MAFF: variants seen among roughly 807,000 people sequenced by gnomAD.
MAFF encodes MAF bZIP transcription factor F, also known as transcription factor MafF.
In MAFF, 4 loss-of-function variants were observed where a neutral mutation model predicts 2.7. The observed-to-expected ratio is 1.48, with a 90% CI of 0.73 to 3.39. MAFF has a LOEUF of 3.39. Among genes scored for constraint, MAFF ranks in the 30% most tolerant of loss-of-function variants. MAFF has a pLI of 0.01. For synonymous variants in MAFF, 113 were observed against 119.4 expected (o/e 0.95, Z 0.35); for missense variants, 190 against 246.6 (o/e 0.77, Z 1.54).
Position 38,215,030 on chromosome 22 carries a change from T to G in MAFF, c.*152T>G. The G allele has an allele frequency of 1.5e-6, 1 of 647,176 alleles. No individual in the cohort carries two copies. Among genetic ancestry groups the G allele is most frequent in the East Asian group, 3.5e-5 (1 of 28,858 alleles). 40.1% of individuals were successfully genotyped at this position (647,176 alleles called of 1,614,324 possible). A position where few individuals can be genotyped will look rare whatever the true frequency, so the allele number is the denominator to read the frequency against. ...CCCTTCGTGGGCCCTGTCTTCCTCT[T>G]GCAGCCCCCCAAACTGGGACCGAAT... On this transcript the variant is annotated 3_prime_UTR_variant, in exon 3 of 3. Transcript: ENST00000338483.
chr22:38,214,406 C>A lies in MAFF; in HGVS notation c.37-14C>A. 6.3e-7 allele frequency: 1 copy of A among 1,575,026 alleles called. No individual in the cohort carries two copies. Among genetic ancestry groups the A allele is most frequent in the South Asian group, 1.1e-5 (1 of 88,130 alleles). ...TCCCCAGTCCCCTGGACCTCAGTTT[C>A]CTCATGCCCGCAGATCAAGCGAGAG... On this transcript the variant is annotated splice_polypyrimidine_tract_variant and intron_variant, in intron 2 of 2. Coordinates refer to ENST00000338483, the MANE Select transcript of MAFF (RefSeq NM_012323.4). This position sits in a 1 kb window ranked among gnomAD's most constrained non-coding sequence, Gnocchi z 6.3.
At chr22:38,204,819 G>T (rs1344497344) in intron 1 of MAFF, among the ~76,000 whole-genome samples, 1 of 152,198 alleles carries the variant, frequency 6.6e-6, no homozygotes, top group Non-Finnish European at 1.5e-5. Flanking sequence ...GGACCCTACT[G>T]TGTTGGCTTG....
At chr22:38,210,450 C>T (rs1158372256) in intron 1 of MAFF, among the ~76,000 whole-genome samples, 2 of 152,102 alleles carry the variant, frequency 1.3e-5, no homozygotes, top group Admixed American at 6.5e-5. Context: ...AGGTGCCAGG[C>T]GCGGTTCTAG....
intron 1 of MAFF, among the ~76,000 whole-genome samples, chr22:38,211,642 C>T (rs533414147): frequency 6.6e-6 from 1 of 152,336 alleles, no homozygotes; most frequent in South Asian, 2.1e-4. Flanking sequence ...ACACAGCTAC[C>T]TGTGTCACCC....
At position 38,204,746 on chromosome 22, in the gene MAFF, G is replaced by C. The variant is rs116099553; in HGVS notation, c.-32+2534G>C. On this transcript the variant is annotated intron_variant, in intron 1 of 2. Transcript: ENST00000338483. ...TCAGGGATAGTAGAATTTGCTGTCT[G>C]TTCATTCATCTGTTAGCATACGATC... Among the ~76,000 whole-genome samples, 257 of 152,320 alleles carry C rather than the reference G, an allele frequency of 1.7e-3. 2 individuals carry two copies. Among genetic ancestry groups the C allele is most frequent in the African/African-American group, 5.9e-3 (245 of 41,560 alleles).
chr22:38,206,403 T>C (rs1185234947), intron 1 of MAFF, among the ~76,000 whole-genome samples: 1 of 151,176 alleles, frequency 6.6e-6, no homozygotes, highest in Non-Finnish European at 1.5e-5. Context: ...GTCCAGTGGC[T>C]TGTTCTCAGC....
Position 38,202,987 on chromosome 22 carries a change from A to C in MAFF, c.-32+775A>C, listed in dbSNP as rs1375557872. 1 of 152,456 alleles carries C rather than the reference A, an allele frequency of 6.6e-6. No individual in the cohort carries two copies. The highest frequency in any genetic ancestry group is 6.5e-5 in the Admixed American group (1 of 15,310). 9.4% of individuals were successfully genotyped at this position (152,456 alleles called of 1,614,324 possible). ...CCGCCCAGAGCCCGCGCCCGCAGCC[A>C]CAGGGTGGGGCAAGGTATCAAAGAC... On this transcript the variant is annotated intron_variant, in intron 1 of 2. Coordinates refer to ENST00000338483, the MANE Select transcript of MAFF (RefSeq NM_012323.4). This position sits in a 1 kb window ranked among gnomAD's most constrained non-coding sequence, Gnocchi z 7.4.
Position 38,214,726 on chromosome 22 carries a change from C to A in MAFF, c.343C>A (p.Gln115Lys). The A allele has an allele frequency of 6.7e-7, 1 of 1,491,552 alleles. No homozygotes were observed. Among genetic ancestry groups the A allele is most frequent in the Non-Finnish European group, 8.9e-7 (1 of 1,127,160 alleles). The allele number at this position is 1,491,552 out of a possible 1,614,324, so 92.4% of individuals were successfully genotyped here. Residue 115 changes from glutamine to lysine, a missense_variant, in exon 3 of 3, where the codon CAG (glutamine) becomes AAG (lysine). Gln to Lys is a moderately conservative substitution (Grantham distance 53). Coordinates refer to ENST00000338483, the MANE Select transcript of MAFF (RefSeq NM_012323.4). The surrounding 1 kb of genome is among the most constrained non-coding windows in gnomAD (Gnocchi z 6.3). Reference protein sequence around the residue: ...DALRGKCEALQGFARSVAAAR... With the variant: ...DALRGKCEALKGFARSVAAAR... ...GCTGCGCGGCAAGTGCGAGGCGCTG[C>A]AGGGCTTCGCGCGCTCCGTGGCCGC...
intron 1 of MAFF, among the ~76,000 whole-genome samples, chr22:38,212,003 T>C (rs1382034857): frequency 6.6e-6 from 1 of 152,176 alleles, no homozygotes. Context: ...ATTTATTTAT[T>C]TTTTTTGAGA....
intron 1 of MAFF, among the ~76,000 whole-genome samples, chr22:38,207,743 G>A (rs1308850688): frequency 6.6e-6 from 1 of 152,042 alleles, no homozygotes; most frequent in Non-Finnish European, 1.5e-5. Context: ...GGCTATAGGT[G>A]TGCACCACTG....
At chr22:38,206,340 CTT>C (rs61643002) in intron 1 of MAFF, among the ~76,000 whole-genome samples, 38,410 of 107,874 alleles carry the variant, frequency 0.36, 6,423 homozygotes, top group African/African-American at 0.47. Context: ...CCTATGCCTC[CTT>C]TTTTTTTTTT....
At position 38,202,907 on chromosome 22, in the gene MAFF, C is replaced by G. The variant is rs1445562611; in HGVS notation, c.-32+695C>G. 1 of 151,872 alleles carries G rather than the reference C, an allele frequency of 6.6e-6. No individual in the cohort carries two copies. The highest frequency in any genetic ancestry group is 1.5e-5 in the Non-Finnish European group (1 of 68,060). 9.4% of individuals were successfully genotyped at this position (151,872 alleles called of 1,614,324 possible). Reference sequence around the variant, plus strand: ...CCTACTACCCGGGGCTGTCCGTCCCCGGCTCTCCCCGGAGTTTCCCAGGGC... The same window carrying G: ...CCTACTACCCGGGGCTGTCCGTCCCGGGCTCTCCCCGGAGTTTCCCAGGGC... On this transcript the variant is annotated intron_variant, in intron 1 of 2. Transcript: ENST00000338483. This position sits in a 1 kb window ranked among gnomAD's most constrained non-coding sequence, Gnocchi z 7.4.
intron 1 of MAFF, among the ~76,000 whole-genome samples, chr22:38,212,982 C>T (rs28584114): frequency 1.3e-4 from 19 of 151,648 alleles, no homozygotes; most frequent in Admixed American, 5.9e-4. Context: ...GCCAACATGG[C>T]GAAACCCTGT....
chr22:38,205,710 G>C (rs2091046250), intron 1 of MAFF: 1 of 152,248 alleles, frequency 6.6e-6, no homozygotes, highest in Non-Finnish European at 1.5e-5. Flanking sequence ...AGAAGACAGA[G>C]GACCCCTGGG....
Position 38,213,894 on chromosome 22 carries a change from G to C in MAFF, c.36+5G>C. ...CTATCCAGCAAAGCTCTAAAGGTGAGGAGGCAGCCTCTGTCAACCCAGTGA... is the reference window on the plus strand; with the variant it reads ...CTATCCAGCAAAGCTCTAAAGGTGACGAGGCAGCCTCTGTCAACCCAGTGA... On this transcript the variant is annotated splice_donor_5th_base_variant and intron_variant, in intron 2 of 2. Transcript: ENST00000338483. 1 of 1,614,192 alleles carries C rather than the reference G, an allele frequency of 6.2e-7. No homozygotes were observed.
intron 1 of MAFF, among the ~76,000 whole-genome samples, chr22:38,206,743 T>C (rs1444188433): frequency 6.6e-6 from 1 of 152,200 alleles, no homozygotes; most frequent in Admixed American, 6.5e-5. Flanking sequence ...GACTTGTGCA[T>C]GAGGCCAGAC....
chr22:38,214,701 G>T lies in MAFF; in HGVS notation c.318G>T (p.Ala106=), dbSNP rs1169600307. 2 of 1,540,338 alleles carry T rather than the reference G, an allele frequency of 1.3e-6. No homozygotes were observed. The highest frequency in any genetic ancestry group is 8.7e-7 in the Non-Finnish European group (1 of 1,144,776). ...ENAAMRLELD[A]LRGKCEALQG... The stretch of plus-strand genomic sequence containing the variant: ...CCGCCATGCGCCTGGAGCTCGACGC[G>T]CTGCGCGGCAAGTGCGAGGCGCTGC... The change falls in exon 3 of 3, where the codon GCG becomes GCT. Residue 106 remains alanine, a synonymous_variant. Coordinates refer to ENST00000338483, the MANE Select transcript of MAFF (RefSeq NM_012323.4). This position sits in a 1 kb window ranked among gnomAD's most constrained non-coding sequence, Gnocchi z 6.3.
At chr22:38,213,943 G>A (rs2235264) in intron 2 of MAFF, 54 bp downstream of exon 2, 796,061 of 1,594,614 alleles carry the variant, frequency 0.5, 205,354 homozygotes, top group Non-Finnish European at 0.53. Context: ...TGCCCATGCA[G>A]AGCCTCCTCA....
Position 38,209,221 on chromosome 22 carries a change from C to T in MAFF, c.-31-4602C>T, listed in dbSNP as rs920184153. ...CTGGGACTACAGGTGCCTGCCACCA[C>T]ACCCGGCTAATTTTTTGTATTTTTT... On this transcript the variant is annotated intron_variant, in intron 1 of 2. Transcript: ENST00000338483. Among the ~76,000 whole-genome samples, 7 of 152,002 alleles carry T rather than the reference C, an allele frequency of 4.6e-5. No individual in the cohort carries two copies. The South Asian group carries it at 6.2e-4, about 14-fold the overall frequency.
Sources: gnomAD v4.1 joint callset for allele counts (sites outside exome capture counted in the v4.1 genomes callset) on GRCh38, gnomAD v4.1.1 for gene constraint, Gnocchi (gnomAD v3.1) non-coding constraint, MANE v1.5 for transcripts, NCBI Gene and HGNC (gene_info 2026-07-23, HGNC 2026-07-21) for gene names.